ZBBX: variants seen among roughly 807,000 people sequenced by gnomAD.
ZBBX encodes zinc finger B-box domain-containing protein 1.
ZBBX carries 101 observed loss-of-function variants against 108.5 expected under a neutral mutation model. That is an observed-to-expected ratio of 0.93 (90% CI 0.79 to 1.10). The LOEUF is 1.10. ZBBX is among the 50% of genes least tolerant of loss of function. The probability of loss-of-function intolerance (pLI) is 0.00; values close to 1 mark genes in which losing one functional copy is unlikely to be tolerated. For synonymous variants in ZBBX, 356 were observed against 323.4 expected (o/e 1.10, Z -1.08); for missense variants, 1,009 against 941.4 (o/e 1.07, Z -0.94).
intron 10 of ZBBX, among the ~76,000 whole-genome samples, chr3:167,333,274 T>C (rs73028636): frequency 0.015 from 2,319 of 152,052 alleles, 69 homozygotes; most frequent in African/African-American, 0.053. Flanking sequence ...ATAACATAGA[T>C]CAAAATTTGA....
the ZBBX span, among the ~76,000 whole-genome samples, chr3:167,205,206 T>TAC: frequency 6.6e-6 from 1 of 152,080 alleles, no homozygotes; most frequent in South Asian, 2.1e-4. Context: ...GAAGGTCTAT[T>TAC]ACACTGAAGA....
chr3:167,254,887 T>TGAGAGAGAGAGAGAATGA (rs1576786293), intron 20 of ZBBX, among the ~76,000 whole-genome samples: 13 of 141,230 alleles, frequency 9.2e-5, no homozygotes, highest in Admixed American at 2.1e-4. Context: ...TGTGTGTGTG[T>TGAGAGAGAGAGAGAATGA]GAGAGAGAGA....
intron 18 of ZBBX, among the ~76,000 whole-genome samples, chr3:167,291,703 C>T (rs1179402049): frequency 6.6e-6 from 1 of 152,108 alleles, no homozygotes; most frequent in African/African-American, 2.4e-5. Flanking sequence ...TCACACATAA[C>T]AATATTAACC....
chr3:167,384,478 G>A (rs1429565200), upstream of ZBBX, among the ~76,000 whole-genome samples: 8 of 151,986 alleles, frequency 5.3e-5, no homozygotes, highest in Admixed American at 4.6e-4. Flanking sequence ...GGGTCAAGAA[G>A]GCAGGGCAGA....
At chr3:167,225,716 T>C in the ZBBX span, among the ~76,000 whole-genome samples, 10 of 151,808 alleles carry the variant, frequency 6.6e-5, no homozygotes, top group African/African-American at 2.2e-4. Flanking sequence ...AACGGGGTGC[T>C]CTGCAAGTCT....
rs942251629 is a variant in ZBBX at position 167,368,776 on chromosome 3, C to G, written c.69-202G>C. The G allele has an allele frequency of 4.6e-5, 56 of 1,210,966 alleles. No homozygotes were observed. The African/African-American group carries it at 7.9e-4, about 17-fold the overall frequency. The allele number at this position is 1,210,966 out of a possible 1,614,324, so 75.0% of individuals were successfully genotyped here. ...CCTGAAGCAAATTATCTCTTCAAAT[C>G]TTAGACTTTTGTTTTAATTATTACA... On this transcript the variant is annotated intron_variant, in intron 4 of 21. Coordinates refer to ENST00000675490, the MANE Select transcript of ZBBX (RefSeq NM_001199201.2).
chr3:167,216,051 C>A, the ZBBX span, among the ~76,000 whole-genome samples: 1 of 152,136 alleles, frequency 6.6e-6, no homozygotes, highest in Non-Finnish European at 1.5e-5. Context: ...AGAAGCATTT[C>A]CCTTGAAAAC....
chr3:167,209,221 C>A, the ZBBX span, among the ~76,000 whole-genome samples: 1 of 152,112 alleles, frequency 6.6e-6, no homozygotes, highest in Non-Finnish European at 1.5e-5. Context: ...GACTGTAGAG[C>A]CCTACAGCCT....
At chr3:167,263,292 C>G (rs1724904239) in intron 20 of ZBBX, among the ~76,000 whole-genome samples, 1 of 152,098 alleles carries the variant, frequency 6.6e-6, no homozygotes, top group Non-Finnish European at 1.5e-5. Context: ...TGCCTGTCCT[C>G]TGGTTCTTTA....
At chr3:167,276,566 C>T (rs926954346) in intron 20 of ZBBX, among the ~76,000 whole-genome samples, 6 of 152,128 alleles carry the variant, frequency 3.9e-5, no homozygotes, top group African/African-American at 1.4e-4. Context: ...AAGAAACGAG[C>T]AAAGCCTCCA....
intron 20 of ZBBX, among the ~76,000 whole-genome samples, chr3:167,278,339 T>C (rs1462474533): frequency 6.6e-6 from 1 of 150,774 alleles, no homozygotes; most frequent in Non-Finnish European, 1.5e-5. Flanking sequence ...TCAACAAAAT[T>C]GATAAACCAC....
At chr3:167,219,320 A>G in the ZBBX span, among the ~76,000 whole-genome samples, 1 of 152,058 alleles carries the variant, frequency 6.6e-6, no homozygotes, top group Non-Finnish European at 1.5e-5. Context: ...AAGGTTACAT[A>G]CAGAATACAG....
intron 20 of ZBBX, among the ~76,000 whole-genome samples, chr3:167,257,784 G>T (rs1723782891): frequency 6.6e-6 from 1 of 151,962 alleles, no homozygotes; most frequent in Non-Finnish European, 1.5e-5. Context: ...GTGTTTGTTG[G>T]CCATTTGTGT....
chr3:167,332,821 T>A (rs770707558), intron 10 of ZBBX, among the ~76,000 whole-genome samples: 1 of 152,134 alleles, frequency 6.6e-6, no homozygotes. Context: ...AAATCTAAGT[T>A]CCATTATCAA....
At chr3:167,178,517 T>C in the ZBBX span, among the ~76,000 whole-genome samples, 3 of 152,026 alleles carry the variant, frequency 2.0e-5, no homozygotes, top group Non-Finnish European at 4.4e-5. Flanking sequence ...ACAGTTGGGG[T>C]CCTCCTCAGC....
chr3:167,371,660 T>C (rs1746174401), intron 4 of ZBBX, among the ~76,000 whole-genome samples: 1 of 152,204 alleles, frequency 6.6e-6, no homozygotes, highest in African/African-American at 2.4e-5. Flanking sequence ...AATATGTCAC[T>C]AAAATCAAAT....
At chr3:167,384,689 C>G (rs936703319), upstream of ZBBX, among the ~76,000 whole-genome samples, 4 of 152,028 alleles carry the variant, frequency 2.6e-5, no homozygotes, top group Admixed American at 2.6e-4. Context: ...GGCATTCATT[C>G]AGCATTCCTA....
the ZBBX span, among the ~76,000 whole-genome samples, chr3:167,201,094 T>C: frequency 1.2e-4 from 19 of 152,280 alleles, no homozygotes; most frequent in East Asian, 3.5e-3. Context: ...TTCCTATAGT[T>C]CATCCCAAAG....
the ZBBX span, among the ~76,000 whole-genome samples, chr3:167,209,038 T>A: frequency 6.6e-6 from 1 of 152,038 alleles, no homozygotes; most frequent in African/African-American, 2.4e-5. Context: ...GTACTTTCCA[T>A]GGGCCTGGGA....
Sources: allele counts gnomAD v4.1 joint callset (sites outside exome capture counted in the v4.1 genomes callset), GRCh38; gene constraint gnomAD v4.1.1; transcripts MANE v1.5; gene names NCBI Gene and HGNC (gene_info 2026-07-23, HGNC 2026-07-21).